TRMT10B: variants seen among roughly 807,000 people sequenced by gnomAD.
TRMT10B encodes tRNA methyltransferase 10 homolog B.
In TRMT10B, 33 loss-of-function variants were observed where a neutral mutation model predicts 43.8. The observed-to-expected ratio is 0.75, with a 90% CI of 0.57 to 1.01. The LOEUF (loss-of-function observed/expected upper bound fraction) is 1.01. TRMT10B is among the 50% of genes least tolerant of loss of function. The probability of loss-of-function intolerance (pLI) is 0.00; values close to 1 mark genes in which losing one functional copy is unlikely to be tolerated. For missense variants in TRMT10B, 362 were observed against 369.8 expected (o/e 0.98, Z 0.17); for synonymous variants, 137 against 130.6 (o/e 1.05, Z -0.34).
chr9:37,761,639 A>G lies in TRMT10B; in HGVS notation c.-29-264A>G, dbSNP rs1326738486. ...CTGGAATTCAGGAGGCAGAGGTTGCAGTGAGCCAAGATCACACCATTGTAC... is the reference window on the plus strand; with the variant it reads ...CTGGAATTCAGGAGGCAGAGGTTGCGGTGAGCCAAGATCACACCATTGTAC... On this transcript the variant is annotated intron_variant, in intron 1 of 8. Coordinates refer to ENST00000297994, the MANE Select transcript of TRMT10B (RefSeq NM_144964.4). Among the ~76,000 whole-genome samples the G allele has an allele frequency of 3.9e-5, 6 of 152,342 alleles. No homozygotes were observed. The East Asian group carries it at 1.2e-3, about 29-fold the overall frequency.
Position 37,763,724 on chromosome 9 carries a change from T to G in TRMT10B, c.391T>G (p.Leu131Val), listed in dbSNP as rs200211490. ...KHSGPRLCID[L>V]SMTHYMSKKE... The stretch of plus-strand genomic sequence containing the variant: ...CTCAGGACCAAGACTATGTATCGAT[T>G]TGAGTATGACCCACTACATGTCAAA... The change falls in exon 4 of 9, where the codon TTG becomes GTG. Residue 131 changes from leucine to valine, a missense_variant. Leu to Val is a conservative substitution (Grantham distance 32). Coordinates refer to ENST00000297994, the MANE Select transcript of TRMT10B (RefSeq NM_144964.4). 1.2e-6 allele frequency: 2 copies of G among 1,614,094 alleles called. No homozygotes were observed. Among genetic ancestry groups the G allele is most frequent in the Non-Finnish European group, 1.7e-6 (2 of 1,179,994 alleles).
Position 37,768,131 on chromosome 9 carries a change from C to CTGG in TRMT10B, c.478_479insGTG (p.Ala159_Asp160insGly). ...AGGTTGTATGGTTCAAACAAAAAAGCTGACAGGCCATTTTGGATCTGCCTC... is the reference window on the plus strand; with the variant it reads ...AGGTTGTATGGTTCAAACAAAAAAGCTGGTGACAGGCCATTTTGGATCTGCCTC... On this transcript the variant is annotated inframe_insertion, in exon 5 of 9. Transcript: ENST00000297994. 1.2e-6 allele frequency: 2 copies of CTGG among 1,614,172 alleles called. No individual in the cohort carries two copies. Among genetic ancestry groups the CTGG allele is most frequent in the South Asian group, 1.1e-5 (1 of 91,088 alleles).
In TRMT10B at chr9:37,759,502, AGT is replaced by A. The variant is rs535501510; in HGVS notation, c.-29-2399_-29-2398del. Among the ~76,000 whole-genome samples the A allele has an allele frequency of 8.5e-5, 13 of 152,342 alleles. No homozygotes were observed. The South Asian group carries it at 1.9e-3, about 22-fold the overall frequency. On this transcript the variant is annotated intron_variant, in intron 1 of 8. Transcript: ENST00000297994. ...GAATGGGATGAAGACTGATTTGGAA[AGT>A]GGAGAAGAAAGTTAAACTTTCTGGG...
At chr9:37,753,511 C>G (rs968172178), upstream of TRMT10B, among the ~76,000 whole-genome samples, 2 of 149,098 alleles carry the variant, frequency 1.3e-5, no homozygotes, top group African/African-American at 4.8e-5. Context: ...TTGCTTCACA[C>G]ACCCCAGTTT....
At chr9:37,754,060 T>G (rs1445455543) in intron 1 of TRMT10B, among the ~76,000 whole-genome samples, 3 of 152,326 alleles carry the variant, frequency 2.0e-5, no homozygotes, top group East Asian at 3.9e-4. Flanking sequence ...GGCGGGGTGC[T>G]CTCAGGCTGA....
chr9:37,762,572 A>G lies in TRMT10B; in HGVS notation c.187-5A>G. On this transcript the variant is annotated splice_polypyrimidine_tract_variant and splice_region_variant and intron_variant, in intron 2 of 8. Transcript: ENST00000297994. The stretch of plus-strand genomic sequence containing the variant: ...CAAACAATTTTGTTTTCTGGATAAT[A>G]TAAGAAAAATGTCCAGAGAAAACAG... 6.3e-7 allele frequency: 1 copy of G among 1,578,928 alleles called. No homozygotes were observed. The highest frequency in any genetic ancestry group is 2.3e-5 in the East Asian group (1 of 44,440).
At chr9:37,776,006 GATTA>G (rs2118933231) in intron 7 of TRMT10B, among the ~76,000 whole-genome samples, 1 of 152,336 alleles carries the variant, frequency 6.6e-6, no homozygotes, top group Admixed American at 6.5e-5. Flanking sequence ...TGCTCTGATT[GATTA>G]GACTGCTTGG....
intron 7 of TRMT10B, among the ~76,000 whole-genome samples, chr9:37,771,844 C>T (rs953719434): frequency 9.2e-5 from 14 of 152,026 alleles, no homozygotes; most frequent in African/African-American, 2.9e-4. Flanking sequence ...ACAATCTCTG[C>T]CTCCTGAGGT....
At chr9:37,762,262 T>G in intron 2 of TRMT10B, 145 bp downstream of exon 2, 1 of 1,073,332 alleles carries the variant, frequency 9.3e-7, no homozygotes. Context: ...CTAACTGGTT[T>G]AAAGTTTTAG....
At chr9:37,759,433 T>C (rs1430969468) in intron 1 of TRMT10B, among the ~76,000 whole-genome samples, 1 of 152,210 alleles carries the variant, frequency 6.6e-6, no homozygotes, top group African/African-American at 2.4e-5. Context: ...AGCTAATCCA[T>C]GGTTATAGCA....
chr9:37,767,865 G>A (rs1278980146), intron 4 of TRMT10B, among the ~76,000 whole-genome samples: 1 of 152,108 alleles, frequency 6.6e-6, no homozygotes. Flanking sequence ...GGCGAATTCC[G>A]TTTTCCACTA....
chr9:37,762,005 A>G lies in TRMT10B; in HGVS notation c.74A>G (p.Glu25Gly), dbSNP rs762292067. The G allele has an allele frequency of 1.9e-6, 3 of 1,613,988 alleles. No individual in the cohort carries two copies. The highest frequency in any genetic ancestry group is 2.5e-6 in the Non-Finnish European group (3 of 1,180,016). Residue 25 changes from glutamate (E) to glycine (G), a missense_variant, in exon 2 of 9, where the codon GAG (glutamate) becomes GGG (glycine). Coordinates refer to ENST00000297994, the MANE Select transcript of TRMT10B (RefSeq NM_144964.4). ...CTGCAGGGGCAAGAAGGCATCCTAG[A>G]GGAGACAGGTGAAGATGGACTTCCT... is the stretch of plus-strand genomic sequence containing the variant. ...PVLQGQEGIL[E>G]ETGEDGLPEG...
upstream of TRMT10B, among the ~76,000 whole-genome samples, chr9:37,753,515 CCA>C (rs149156654): frequency 0.12 from 17,705 of 152,178 alleles, 1,277 homozygotes; most frequent in Non-Finnish European, 0.16. Flanking sequence ...TTCACACACC[CCA>C]GTTTCGCAAT....
chr9:37,777,504 T>C (rs764720350), intron 8 of TRMT10B, 97 bp from the exon 9 acceptor site: 16 of 998,758 alleles, frequency 1.6e-5, no homozygotes, highest in Admixed American at 1.1e-4. Context: ...TGGTGCAGAA[T>C]AGGTTTGTTG....
chr9:37,759,798 CAG>C (rs1422529435), intron 1 of TRMT10B, among the ~76,000 whole-genome samples: 1 of 152,176 alleles, frequency 6.6e-6, no homozygotes, highest in Non-Finnish European at 1.5e-5. Context: ...GCCTAGGCAA[CAG>C]AGTGAGACTT....
At chr9:37,775,855 C>T (rs1828082796) in intron 7 of TRMT10B, among the ~76,000 whole-genome samples, 2 of 152,248 alleles carry the variant, frequency 1.3e-5, no homozygotes. Context: ...TCTCTTCTCA[C>T]ACCCTAATGC....
rs527443374 is a variant in TRMT10B at position 37,776,369 on chromosome 9, A to G, written c.808A>G (p.Lys270Glu). 6.2e-7 allele frequency: 1 copy of G among 1,612,430 alleles called. No individual in the cohort carries two copies. Among genetic ancestry groups the G allele is most frequent in the African/African-American group, 1.3e-5 (1 of 74,984 alleles). ...ATACATGGTCAGAAACCAGAATGGG[A>G]AAAACTATCATTCAGAGATACTGGC... ...QEYMVRNQNG[K>E]NYHSEILAIN... Residue 270 changes from lysine (K) to glutamate (E), a missense_variant, in exon 8 of 9, where the codon AAA (lysine) becomes GAA (glutamate). Physicochemically the swap from Lys to Glu is moderately conservative, Grantham distance 56 (BLOSUM62 1). Transcript: ENST00000297994.
chr9:37,771,146 C>T (rs939907616), intron 7 of TRMT10B, among the ~76,000 whole-genome samples: 3 of 152,144 alleles, frequency 2.0e-5, no homozygotes, highest in African/African-American at 7.2e-5. Flanking sequence ...TAGGATTATC[C>T]AGATTTTTTT....
At chr9:37,774,939 G>C (rs12554441) in intron 7 of TRMT10B, among the ~76,000 whole-genome samples, 19,505 of 152,216 alleles carry the variant, frequency 0.13, 1,417 homozygotes, top group Non-Finnish European at 0.16. Flanking sequence ...CAGAACTGAG[G>C]CTACAATCTG....
Sources: allele counts gnomAD v4.1 joint callset (sites outside exome capture counted in the v4.1 genomes callset), GRCh38; gene constraint gnomAD v4.1.1; transcripts MANE v1.5; gene names NCBI Gene and HGNC (gene_info 2026-07-23, HGNC 2026-07-21).